ABCC1: variants seen among roughly 807,000 people sequenced by gnomAD.
The protein encoded by ABCC1 is multidrug resistance-associated protein 1.
ABCC1 carries 83 observed loss-of-function variants against 172.9 expected under a neutral mutation model. That is an observed-to-expected ratio of 0.48 (90% CI 0.40 to 0.58). The LOEUF is 0.58. Ranked by LOEUF, ABCC1 falls within the 20% of genes least tolerant of loss-of-function variation. The pLI is 0.00. For synonymous variants in ABCC1, 937 were observed against 825.2 expected (o/e 1.14, Z -2.32); for missense variants, 1,817 against 2,002.7 (o/e 0.91, Z 1.77).
intron 11 of ABCC1, among the ~76,000 whole-genome samples, chr16:16,053,758 G>A (rs2049524962): frequency 1.1e-5 from 1 of 93,734 alleles, no homozygotes; most frequent in African/African-American, 4.0e-5. Context: ...CTGCACAACA[G>A]AGTGAGACCC....
At chr16:16,062,339 TTTTCTTTC>T (rs1303322004) in intron 12 of ABCC1, among the ~76,000 whole-genome samples, 2 of 152,066 alleles carry the variant, frequency 1.3e-5, no homozygotes, top group Non-Finnish European at 2.9e-5. Flanking sequence ...TTCTTCTCTT[TTTTCTTTC>T]TTTCTTTCTT....
intron 13 of ABCC1, among the ~76,000 whole-genome samples, chr16:16,069,733 GAAA>G (rs904045431): frequency 6.7e-6 from 1 of 149,162 alleles, no homozygotes; most frequent in Non-Finnish European, 1.5e-5. Context: ...AAAAGAAAAA[GAAA>G]AAAAAAGCCA....
At chr16:16,121,901 C>T in intron 23 of ABCC1, 74 bp from the exon 24 acceptor site, 3 of 1,538,114 alleles carry the variant, frequency 2.0e-6, no homozygotes, top group Non-Finnish European at 2.7e-6. Context: ...TAGATGTTCT[C>T]CAGCACAGCC....
chr16:16,104,653 C>T (rs2051980262), intron 20 of ABCC1, among the ~76,000 whole-genome samples: 1 of 152,202 alleles, frequency 6.6e-6, no homozygotes, highest in South Asian at 2.1e-4. Context: ...CCTGCCAGTC[C>T]CGTGCCGTGC....
At position 16,111,606 on chromosome 16, in the gene ABCC1, C is replaced by T. The variant is rs34794353; in HGVS notation, c.3079+24C>T. 488 of 1,596,546 alleles carry T rather than the reference C, an allele frequency of 3.1e-4. 1 individual carries two copies. The African/African-American group carries it at 5.4e-3, about 18-fold the overall frequency. On this transcript the variant is annotated intron_variant, in intron 22 of 30. Transcript: ENST00000399410. ...AGGTTGGTGCCGCTGTCTCCCACCC[C>T]GCCTGATTTGGGCCCCTGTTGTGGC...
At chr16:16,098,952 A>C in intron 19 of ABCC1, 1 of 1,329,104 alleles carries the variant, frequency 7.5e-7, no homozygotes, top group Non-Finnish European at 1.0e-6. Context: ...ATGAGGCCAG[A>C]GACGGGCCGA....
intron 19 of ABCC1, among the ~76,000 whole-genome samples, chr16:16,095,487 A>C (rs1295055931): frequency 6.6e-6 from 1 of 152,150 alleles, no homozygotes; most frequent in Non-Finnish European, 1.5e-5. Context: ...GTCGCTAAAC[A>C]TCCTACAGCA....
At chr16:16,107,358 C>T (rs373880866) in intron 21 of ABCC1, among the ~76,000 whole-genome samples, 3 of 152,088 alleles carry the variant, frequency 2.0e-5, no homozygotes, top group Admixed American at 6.6e-5. Context: ...GGTGCGATCT[C>T]GGCTCACTAC....
At chr16:16,119,120 A>G (rs546274537) in intron 23 of ABCC1, among the ~76,000 whole-genome samples, 1 of 152,308 alleles carries the variant, frequency 6.6e-6, no homozygotes, top group Non-Finnish European at 1.5e-5. Flanking sequence ...GCCAGACGAA[A>G]AAGAGTAGGT....
intron 7 of ABCC1, among the ~76,000 whole-genome samples, chr16:16,039,425 G>A (rs1478989042): frequency 6.6e-6 from 1 of 151,550 alleles, no homozygotes; most frequent in South Asian, 2.1e-4. Flanking sequence ...ATGCCACCAC[G>A]CCTGACTAAT....
At chr16:16,044,030 A>G (rs1286570236) in intron 7 of ABCC1, among the ~76,000 whole-genome samples, 1 of 152,186 alleles carries the variant, frequency 6.6e-6, no homozygotes, top group Non-Finnish European at 1.5e-5. Context: ...TTAGCTCATA[A>G]TTTCTACCTG....
intron 1 of ABCC1, among the ~76,000 whole-genome samples, chr16:16,006,713 A>T (rs1011244166): frequency 1.3e-5 from 2 of 152,186 alleles, no homozygotes; most frequent in South Asian, 2.1e-4. Flanking sequence ...ACAGTATTTA[A>T]CCCTTCTGTG....
chr16:16,082,270 A>T (rs1019253019), intron 16 of ABCC1, among the ~76,000 whole-genome samples: 1 of 151,906 alleles, frequency 6.6e-6, no homozygotes. Flanking sequence ...CTCATTCTTC[A>T]CTTTTTGGTT....
At chr16:16,081,321 A>C (rs549202695) in intron 16 of ABCC1, among the ~76,000 whole-genome samples, 1 of 152,342 alleles carries the variant, frequency 6.6e-6, no homozygotes, top group East Asian at 1.9e-4. Flanking sequence ...CCTGCCATAA[A>C]ATAAGATGAA....
At chr16:16,028,199 T>C (rs2048441248) in intron 5 of ABCC1, among the ~76,000 whole-genome samples, 1 of 152,178 alleles carries the variant, frequency 6.6e-6, no homozygotes, top group African/African-American at 2.4e-5. Context: ...AGGGGTGATA[T>C]CGGGCCTCAA....
At chr16:16,056,329 G>A in intron 12 of ABCC1, 34 bp downstream of exon 12, 6 of 1,610,584 alleles carry the variant, frequency 3.7e-6, no homozygotes, top group Non-Finnish European at 5.1e-6. Context: ...GGCCCTCATT[G>A]TTTGATGTTT....
At chr16:16,042,611 G>A (rs55920599) in intron 7 of ABCC1, among the ~76,000 whole-genome samples, 1 of 151,772 alleles carries the variant, frequency 6.6e-6, no homozygotes, top group African/African-American at 2.4e-5. Context: ...GCTGAGGCAG[G>A]AGAATCGCTT....
intron 5 of ABCC1, among the ~76,000 whole-genome samples, chr16:16,024,383 A>G (rs2048300315): frequency 6.6e-6 from 1 of 151,912 alleles, no homozygotes; most frequent in South Asian, 2.1e-4. Flanking sequence ...ATGGAGTTTC[A>G]CTCTGTCACC....
chr16:16,010,823 A>G (rs971259185), intron 3 of ABCC1, among the ~76,000 whole-genome samples: 1 of 152,184 alleles, frequency 6.6e-6, no homozygotes, highest in Non-Finnish European at 1.5e-5. Flanking sequence ...TCACACCACT[A>G]ATGTGCAGCC....
Sources: allele counts gnomAD v4.1 joint callset (sites outside exome capture counted in the v4.1 genomes callset), GRCh38; gene constraint gnomAD v4.1.1; transcripts MANE v1.5; gene names NCBI Gene and HGNC (gene_info 2026-07-23, HGNC 2026-07-21).